LAMC2: variants seen among roughly 807,000 people sequenced by gnomAD.
The protein encoded by LAMC2 is laminin subunit gamma 2, also known as laminin subunit gamma-2.
In LAMC2, 97 loss-of-function variants were observed where a neutral mutation model predicts 140.2. That is an observed-to-expected ratio of 0.69 (90% confidence interval 0.59 to 0.82). The LOEUF (loss-of-function observed/expected upper bound fraction) is 0.82, where lower values mean the gene tolerates loss of function less well. Ranked by LOEUF, LAMC2 falls within the 40% of genes least tolerant of loss-of-function variation. LAMC2 has a pLI of 0.00. For synonymous variants in LAMC2, 513 were observed against 540.2 expected (o/e 0.95, Z 0.70); for missense variants, 1,402 against 1,476.1 (o/e 0.95, Z 0.82).
chr1:183,207,437 G>C (rs188668535), intron 1 of LAMC2, among the ~76,000 whole-genome samples: 106 of 152,272 alleles, frequency 7.0e-4, no homozygotes, highest in African/African-American at 2.4e-3. Flanking sequence ...CTTGAGCAGC[G>C]ACACCATCGG....
At chr1:183,229,552 T>C (rs1424224447) in intron 11 of LAMC2, among the ~76,000 whole-genome samples, 1 of 149,290 alleles carries the variant, frequency 6.7e-6, no homozygotes, top group Non-Finnish European at 1.5e-5. Context: ...CACAAGAATC[T>C]CTTGAACCCA....
At chr1:183,252,269 C>G in the LAMC2 span, 1 of 219,552 alleles carries the variant, frequency 4.6e-6, no homozygotes, top group East Asian at 1.2e-4. Context: ...AGCCGCCTCT[C>G]TAGAGCATGC....
intron 2 of LAMC2, among the ~76,000 whole-genome samples, chr1:183,209,500 A>G (rs992835989): frequency 6.6e-6 from 1 of 152,206 alleles, no homozygotes; most frequent in Non-Finnish European, 1.5e-5. Context: ...AGATTAGTTT[A>G]GCTTTGTTGT....
rs1359222638 is a variant in LAMC2, at chr1:183,240,304, G to A, written c.3241G>A (p.Ala1081Thr). The stretch of plus-strand genomic sequence containing the variant: ...TATTTGTCCTCAGGTGATTACAGAA[G>A]CCCAGAAGGTTGATACCAGAGCCAA... ...MDAVQMVITE[A>T]QKVDTRAKNA... The change falls in exon 22 of 23, where the codon GCC (alanine) becomes ACC (threonine). Residue 1081 changes from alanine to threonine, a missense_variant. Physicochemically the swap from Ala to Thr is moderately conservative, Grantham distance 58 (BLOSUM62 0). Transcript: ENST00000264144. The A allele has an allele frequency of 3.1e-6, 5 of 1,614,042 alleles. No homozygotes were observed. The Admixed American group carries it at 5.0e-5, about 16-fold the overall frequency.
At position 183,204,939 on chromosome 1, in the gene LAMC2, C is replaced by T. The variant is rs527782984; in HGVS notation, c.80-2942C>T. Among the ~76,000 whole-genome samples the T allele has an allele frequency of 3.8e-3, 580 of 152,224 alleles. 6 individuals carry two copies. Among genetic ancestry groups the T allele is most frequent in the Non-Finnish European group, 6.8e-3 (460 of 68,004 alleles). Reference sequence around the variant, plus strand: ...CCAGGTTCAAGTGATTCTCCTGCCTCAGCCTCCCAAGTAGCTGGGATTACA... The same window carrying T: ...CCAGGTTCAAGTGATTCTCCTGCCTTAGCCTCCCAAGTAGCTGGGATTACA... On this transcript the variant is annotated intron_variant, in intron 1 of 22. Transcript: ENST00000264144.
intron 16 of LAMC2, 64 bp from the exon 17 acceptor site, chr1:183,236,388 CAAAAAAAA>C: frequency 9.1e-7 from 1 of 1,093,126 alleles, no homozygotes; most frequent in Non-Finnish European, 1.3e-6. Context: ...AACCCTGTCT[CAAAAAAAA>C]AAAAAAAAAA....
At chr1:183,209,127 G>T (rs965371722) in intron 2 of LAMC2, among the ~76,000 whole-genome samples, 1 of 152,052 alleles carries the variant, frequency 6.6e-6, no homozygotes, top group Non-Finnish European at 1.5e-5. Context: ...AAGGGGGAGA[G>T]AGAGGTGGTT....
chr1:183,241,864 A>AG (rs1660144220), intron 22 of LAMC2, among the ~76,000 whole-genome samples: 1 of 151,948 alleles, frequency 6.6e-6, no homozygotes, highest in Non-Finnish European at 1.5e-5. Flanking sequence ...TAAAAAAAAA[A>AG]GAAAGGCAAT....
At position 183,235,613 on chromosome 1, in the gene LAMC2, G is replaced by A; in HGVS notation, c.2339G>A (p.Arg780Lys). The change falls in exon 16 of 23, where the codon AGG (arginine) becomes AAG (lysine). Residue 780 changes from arginine to lysine, a missense_variant. Transcript: ENST00000264144. ...ESASNMEQLT[R>K]ETEDYSKQAL... ...GCCAGTAACATGGAGCAACTGACAA[G>A]GGAAACTGAGGACTATTCCAAACAA... 6.2e-7 allele frequency: 1 copy of A among 1,614,206 alleles called. No individual in the cohort carries two copies. The highest frequency in any genetic ancestry group is 8.5e-7 in the Non-Finnish European group (1 of 1,180,032).
chr1:183,255,855 G>C, the LAMC2 span, among the ~76,000 whole-genome samples: 1 of 151,554 alleles, frequency 6.6e-6, no homozygotes, highest in African/African-American at 2.4e-5. Context: ...TTAGAGACAG[G>C]GTTTCACCAT....
In LAMC2 at chr1:183,238,440, A is replaced by T. The variant is rs1223647145; in HGVS notation, c.2869+19A>T. The T allele has an allele frequency of 6.6e-7, 1 of 1,513,650 alleles. No individual in the cohort carries two copies. The highest frequency in any genetic ancestry group is 1.4e-5 in the African/African-American group (1 of 73,204). The allele number at this position is 1,513,650 out of a possible 1,614,324, so 93.8% of individuals were successfully genotyped here. On this transcript the variant is annotated intron_variant, in intron 19 of 22. Coordinates refer to ENST00000264144, the MANE Select transcript of LAMC2 (RefSeq NM_005562.3). Reference sequence around the variant, plus strand: ...CTCAGAGGTTAGTACTTCATGGTTCAGGTCACTTGAGTATTTTAAGTGTAT... The same window carrying T: ...CTCAGAGGTTAGTACTTCATGGTTCTGGTCACTTGAGTATTTTAAGTGTAT...
At chr1:183,245,244 G>A (rs1262210783), downstream of LAMC2, among the ~76,000 whole-genome samples, 2 of 152,192 alleles carry the variant, frequency 1.3e-5, no homozygotes, top group Non-Finnish European at 2.9e-5. Context: ...TTTTTAAGAA[G>A]TTAAAATGTA....
At chr1:183,239,852 C>G in intron 20 of LAMC2, 188 bp from the exon 21 acceptor site, 2 of 711,526 alleles carry the variant, frequency 2.8e-6, no homozygotes, top group South Asian at 1.7e-5. Context: ...GTCATACCCC[C>G]AGATTAGCTT....
At position 183,228,737 on chromosome 1, in the gene LAMC2, C is replaced by A; in HGVS notation, c.1714+118C>A. On this transcript the variant is annotated intron_variant, in intron 11 of 22. Coordinates refer to ENST00000264144, the MANE Select transcript of LAMC2 (RefSeq NM_005562.3). This position sits in a 1 kb window ranked among gnomAD's most constrained non-coding sequence, Gnocchi z 4.3. Reference sequence around the variant, plus strand: ...CATGATGTTACTTTGATTCTCTGACCAAACTGGCCTGTGAGCACCCTGGGC... The same window carrying A: ...CATGATGTTACTTTGATTCTCTGACAAAACTGGCCTGTGAGCACCCTGGGC... 3 of 1,409,518 alleles carry A rather than the reference C, an allele frequency of 2.1e-6. No individual in the cohort carries two copies. Among genetic ancestry groups the A allele is most frequent in the East Asian group, 2.3e-5 (1 of 43,794 alleles). 87.3% of individuals were successfully genotyped at this position (1,409,518 alleles called of 1,614,324 possible).
In LAMC2 at chr1:183,221,328, T is replaced by C. The variant is rs1318242816; in HGVS notation, c.640+367T>C. Among the ~76,000 whole-genome samples, 3 of 152,302 alleles carry C rather than the reference T, an allele frequency of 2.0e-5. No individual in the cohort carries two copies. The East Asian group carries it at 5.8e-4, about 29-fold the overall frequency. On this transcript the variant is annotated intron_variant, in intron 5 of 22. Coordinates refer to ENST00000264144, the MANE Select transcript of LAMC2 (RefSeq NM_005562.3). The stretch of plus-strand genomic sequence containing the variant: ...TCACTAATAATGCTGTTTTCACATA[T>C]AATAAATGAGCTGATTTATGTGAAA...
Position 183,235,547 on chromosome 1 carries a change from C to A in LAMC2, c.2301-28C>A, listed in dbSNP as rs747378647. On this transcript the variant is annotated intron_variant, in intron 15 of 22. Transcript: ENST00000264144. ...AAAGGAAGCCCTTTGCGTGAAAACT[C>A]TTATTCTTTTGTTTTTAATCCTTTC... 17 of 1,613,826 alleles carry A rather than the reference C, an allele frequency of 1.1e-5. No individual in the cohort carries two copies. The South Asian group carries it at 1.9e-4, about 18-fold the overall frequency.
At chr1:183,248,898 G>GTA (rs1660298683), downstream of LAMC2, 1 of 143,168 alleles carries the variant, frequency 7.0e-6, no homozygotes, top group South Asian at 2.2e-4. Context: ...AAGAGTGTGT[G>GTA]TGTGTGTGTG....
chr1:183,222,052 G>C (rs373427084), intron 5 of LAMC2, 37 bp from the exon 6 acceptor site: 1 of 1,613,796 alleles, frequency 6.2e-7, no homozygotes, highest in Non-Finnish European at 8.5e-7. Flanking sequence ...GATGATGAGG[G>C]CTTGTCCAAT....
intron 2 of LAMC2, among the ~76,000 whole-genome samples, chr1:183,209,878 G>A (rs1048972472): frequency 1.3e-5 from 2 of 152,088 alleles, no homozygotes; most frequent in Non-Finnish European, 2.9e-5. Flanking sequence ...CAGTGGTAAG[G>A]GCAAGTGAAA....
Sources: gnomAD v4.1 joint callset for allele counts (sites outside exome capture counted in the v4.1 genomes callset) on GRCh38, gnomAD v4.1.1 for gene constraint, Gnocchi (gnomAD v3.1) non-coding constraint, MANE v1.5 for transcripts, NCBI Gene and HGNC (gene_info 2026-07-23, HGNC 2026-07-21) for gene names.